The following SLC16A1 variants were observed in gnomAD, a reference collection of about 807,000 sequenced individuals.
SLC16A1 encodes monocarboxylate transporter 1.
Under a neutral mutation model 32.2 loss-of-function variants are expected in SLC16A1, and 11 were observed. The ratio of observed to expected loss-of-function variants is 0.34; its 90% CI spans 0.21 to 0.56. The LOEUF is 0.56. SLC16A1 is among the 20% of genes least tolerant of loss of function. SLC16A1 has a pLI of 0.87. For synonymous variants in SLC16A1, 231 were observed against 226.8 expected (o/e 1.02, Z -0.17); for missense variants, 435 against 615.0 (o/e 0.71, Z 3.10).
intron 2 of SLC16A1, among the ~76,000 whole-genome samples, chr1:112,922,680 C>T (rs984517810): frequency 1.3e-4 from 20 of 152,058 alleles, no homozygotes; most frequent in Non-Finnish European, 2.5e-4. Context: ...AAGGCTGAGG[C>T]AGGAGAATGG....
At chr1:112,929,594 C>T (rs1385256925) in intron 1 of SLC16A1, among the ~76,000 whole-genome samples, 1 of 151,942 alleles carries the variant, frequency 6.6e-6, no homozygotes, top group Non-Finnish European at 1.5e-5. Flanking sequence ...GCCTATAGTC[C>T]CAGCTACTCA....
At chr1:112,924,855 G>C (rs1648880543) in intron 2 of SLC16A1, among the ~76,000 whole-genome samples, 1 of 152,064 alleles carries the variant, frequency 6.6e-6, no homozygotes, top group Non-Finnish European at 1.5e-5. Context: ...CTGGGCAACA[G>C]AGTGAGGTTC....
Position 112,914,094 on chromosome 1 carries a change from C to T in SLC16A1, c.1300G>A (p.Gly434Ser), listed in dbSNP as rs1280296682. 3.1e-6 allele frequency: 5 copies of T among 1,614,188 alleles called. No individual in the cohort carries two copies. Among genetic ancestry groups the T allele is most frequent in the Non-Finnish European group, 4.2e-6 (5 of 1,180,036 alleles). Reference protein sequence around the residue: ...WACGVVLIISGIYLFIGMGIN... With the variant: ...WACGVVLIISSIYLFIGMGIN... ...CCCATGCCAATGAAGAGATAGATAC[C>T]TGAAATAATTAGGACGACGCCACAT... is the stretch of plus-strand genomic sequence containing the variant. Residue 434 changes from glycine to serine, a missense_variant, in exon 5 of 5, where the codon GGT becomes AGT. Gly to Ser is a moderately conservative substitution (Grantham distance 56, BLOSUM62 0). This residue lies in a region of SLC16A1 where 111 missense variants were observed against 114.7 expected (regional missense o/e 0.97). Coordinates refer to ENST00000369626, the MANE Select transcript of SLC16A1 (RefSeq NM_003051.4).
chr1:112,929,577 G>C (rs1325354622), intron 1 of SLC16A1, among the ~76,000 whole-genome samples: 1 of 152,052 alleles, frequency 6.6e-6, no homozygotes, highest in Non-Finnish European at 1.5e-5. Context: ...TGGGTATGGT[G>C]GAGCATGCCT....
intron 1 of SLC16A1, among the ~76,000 whole-genome samples, chr1:112,936,679 T>G (rs1274955361): frequency 6.6e-6 from 1 of 152,044 alleles, no homozygotes; most frequent in Non-Finnish European, 1.5e-5. Flanking sequence ...CCATAAGAAA[T>G]GGGATGAATA....
chr1:112,922,178 CTCACA>C, intron 2 of SLC16A1, 45 bp from the exon 3 acceptor site: 1 of 1,573,780 alleles, frequency 6.4e-7, no homozygotes, highest in Non-Finnish European at 8.7e-7. Context: ...AAACTGCTCC[CTCACA>C]TCTACACAAG....
intron 4 of SLC16A1, 137 bp from the exon 5 acceptor site, chr1:112,914,302 G>A: frequency 1.1e-6 from 1 of 892,756 alleles, no homozygotes; most frequent in Middle Eastern, 2.6e-4. Flanking sequence ...ATTAGTATAA[G>A]GAATTGCTGA....
chr1:112,920,851 A>C (rs1012223990), intron 3 of SLC16A1, among the ~76,000 whole-genome samples: 8 of 152,038 alleles, frequency 5.3e-5, no homozygotes, highest in African/African-American at 9.7e-5. Flanking sequence ...AAAATTCAAC[A>C]TCAGAAGGCC....
At chr1:112,922,671 A>T (rs1648779529) in intron 2 of SLC16A1, among the ~76,000 whole-genome samples, 2 of 152,108 alleles carry the variant, frequency 1.3e-5, no homozygotes, top group South Asian at 4.1e-4. Flanking sequence ...GCTACTCCGA[A>T]GGCTGAGGCA....
intron 3 of SLC16A1, among the ~76,000 whole-genome samples, chr1:112,918,478 G>A (rs925408597): frequency 2.4e-4 from 37 of 152,006 alleles, no homozygotes; most frequent in African/African-American, 8.2e-4. Flanking sequence ...TCATTAAGTC[G>A]ACAGTAGAGA....
At chr1:112,945,503 C>G (rs1006365432) in intron 1 of SLC16A1, among the ~76,000 whole-genome samples, 6 of 150,376 alleles carry the variant, frequency 4.0e-5, no homozygotes, top group Non-Finnish European at 7.4e-5. Context: ...GGTGAAACCC[C>G]GTCTCTACTA....
chr1:112,942,617 T>C (rs538447991), intron 1 of SLC16A1, among the ~76,000 whole-genome samples: 35 of 152,226 alleles, frequency 2.3e-4, no homozygotes, highest in Non-Finnish European at 4.0e-4. Flanking sequence ...GCTGTTTCAA[T>C]GAAAAATAAA....
At chr1:112,955,140 G>A (rs1650029502) in intron 1 of SLC16A1, 1 of 152,056 alleles carries the variant, frequency 6.6e-6, no homozygotes, top group African/African-American at 2.4e-5. Context: ...CCCAAAGAAA[G>A]ACTAAAGTAG....
intron 1 of SLC16A1, among the ~76,000 whole-genome samples, chr1:112,945,961 A>C (rs935448012): frequency 7.2e-5 from 11 of 152,208 alleles, no homozygotes; most frequent in African/African-American, 2.7e-4. Context: ...ATTGGACTCC[A>C]GCCTGGGCAA....
rs544305101 is a variant in SLC16A1 at position 112,914,321 on chromosome 1, T to C, written c.1229-156A>G. ...GTATAAGGAATTGCTGAAAATTAGC[T>C]GATCCTCTGTTTATAATGCATCATG... is the stretch of plus-strand genomic sequence containing the variant. On this transcript the variant is annotated intron_variant, in intron 4 of 4. Transcript: ENST00000369626. 9.2e-5 allele frequency among the ~76,000 whole-genome samples: 14 copies of C among 152,364 alleles called. No homozygotes were observed. In the South Asian group the frequency reaches 2.9e-3, roughly 32 times the overall value.
chr1:112,944,771 C>A (rs1290832722), intron 1 of SLC16A1, among the ~76,000 whole-genome samples: 2 of 152,050 alleles, frequency 1.3e-5, no homozygotes, highest in African/African-American at 4.8e-5. Flanking sequence ...TGGCTCACTG[C>A]AACCCCTGCA....
intron 2 of SLC16A1, chr1:112,924,477 C>A: frequency 4.2e-6 from 3 of 716,290 alleles, no homozygotes; most frequent in Admixed American, 2.4e-5. Context: ...AGTAAAGTCA[C>A]CACCAAATGA....
At chr1:112,923,443 G>T in intron 2 of SLC16A1, 1 of 705,802 alleles carries the variant, frequency 1.4e-6, no homozygotes, top group Non-Finnish European at 2.6e-6. Flanking sequence ...CCTCCACGGT[G>T]TTGGGTGCCA....
intron 1 of SLC16A1, among the ~76,000 whole-genome samples, chr1:112,952,176 A>C (rs184017587): frequency 2.0e-5 from 3 of 152,342 alleles, no homozygotes; most frequent in Admixed American, 2.0e-4. Context: ...AAACTAGGAC[A>C]TGTTAAATCT....
Sources: allele counts gnomAD v4.1 joint callset (sites outside exome capture counted in the v4.1 genomes callset), GRCh38; gene constraint gnomAD v4.1.1; regional missense constraint gnomAD v4.1.1; transcripts MANE v1.5; gene names NCBI Gene and HGNC (gene_info 2026-07-23, HGNC 2026-07-21).